The following CFAP61 variants were observed in gnomAD, a reference collection of about 807,000 sequenced individuals.
The protein encoded by CFAP61 is cilia and flagella associated protein 61.
Under a neutral mutation model 135.6 loss-of-function variants are expected in CFAP61, and 107 were observed. The ratio of observed to expected loss-of-function variants is 0.79; its 90% CI spans 0.67 to 0.93. CFAP61 has a LOEUF of 0.93. Among genes scored for constraint, CFAP61 ranks in the 40% least tolerant of loss-of-function variants. The pLI is 0.00. For synonymous variants in CFAP61, 575 were observed against 578.5 expected, an observed-to-expected ratio of 0.99 and a Z score of 0.09; for missense variants, 1,507 against 1,556.2, an observed-to-expected ratio of 0.97 and a Z score of 0.53.
At chr20:20,340,471 G>A (rs901680602) in intron 25 of CFAP61, among the ~76,000 whole-genome samples, 5 of 152,212 alleles carry the variant, frequency 3.3e-5, no homozygotes, top group Admixed American at 6.5e-5. Context: ...GCCAGAGCTC[G>A]TGACAGACCA....
chr20:20,090,826 A>G lies in CFAP61; in HGVS notation c.567-18A>G. ...AATGAGTGAACGAACACTGAACTTC[A>G]GCCTTTCTATTAAACAGGGTGGAAG... On this transcript the variant is annotated intron_variant, in intron 6 of 26. Coordinates refer to ENST00000245957, the MANE Select transcript of CFAP61 (RefSeq NM_015585.4). The G allele has an allele frequency of 1.2e-6, 2 of 1,613,500 alleles. No individual in the cohort carries two copies. Among genetic ancestry groups the G allele is most frequent in the Non-Finnish European group, 1.7e-6 (2 of 1,179,580 alleles).
chr20:20,350,632 AAAAC>A (rs2058801593), intron 26 of CFAP61, among the ~76,000 whole-genome samples: 1 of 152,178 alleles, frequency 6.6e-6, no homozygotes. Flanking sequence ...CCATCTCAAA[AAAAC>A]AAAACAAACA....
chr20:20,064,441 T>G (rs1253866131), intron 2 of CFAP61, among the ~76,000 whole-genome samples: 3 of 152,170 alleles, frequency 2.0e-5, no homozygotes, highest in Non-Finnish European at 4.4e-5. Context: ...TCTTGCACTT[T>G]GAACCAAAGC....
At chr20:20,264,188 T>C (rs2052506100) in intron 21 of CFAP61, among the ~76,000 whole-genome samples, 1 of 152,318 alleles carries the variant, frequency 6.6e-6, no homozygotes, top group South Asian at 2.1e-4. Flanking sequence ...ATTTATAGGC[T>C]ATTTGCCTCT....
At chr20:20,158,237 A>G (rs6046671) in intron 9 of CFAP61, among the ~76,000 whole-genome samples, 2,281 of 151,856 alleles carry the variant, frequency 0.015, 37 homozygotes, top group Middle Eastern at 0.058. Flanking sequence ...AACTTAAAGT[A>G]TATTAAAAAA....
intron 26 of CFAP61, among the ~76,000 whole-genome samples, chr20:20,356,143 G>GGTGGTCACACTGAGGGGAA (rs2059145200): frequency 1.5e-5 from 2 of 132,358 alleles, no homozygotes; most frequent in Non-Finnish European, 3.3e-5. Context: ...ACTGAGAGGA[G>GGTGGTCACACTGAGGGGAA]GTGGTCACAC....
intron 13 of CFAP61, among the ~76,000 whole-genome samples, chr20:20,181,835 C>T (rs185139842): frequency 6.6e-6 from 1 of 152,194 alleles, no homozygotes; most frequent in African/African-American, 2.4e-5. Context: ...CTGGGAAGAT[C>T]AGGCAAGGTG....
intron 26 of CFAP61, among the ~76,000 whole-genome samples, chr20:20,349,445 G>A (rs946621663): frequency 2.6e-5 from 4 of 152,102 alleles, no homozygotes; most frequent in Non-Finnish European, 5.9e-5. Context: ...AACTCAGAGT[G>A]AGAACTCACT....
At chr20:20,284,199 G>A (rs1296163085) in intron 22 of CFAP61, among the ~76,000 whole-genome samples, 1 of 151,940 alleles carries the variant, frequency 6.6e-6, no homozygotes, top group Non-Finnish European at 1.5e-5. Context: ...CCCCTTGCCT[G>A]CTTTCTTTAG....
chr20:20,354,753 A>G (rs2058981611), intron 26 of CFAP61, among the ~76,000 whole-genome samples: 1 of 148,916 alleles, frequency 6.7e-6, no homozygotes, highest in Non-Finnish European at 1.5e-5. Context: ...AAGTAATCAT[A>G]CTGTGAAAGG....
chr20:20,295,500 C>T (rs2055355270), intron 24 of CFAP61, among the ~76,000 whole-genome samples: 1 of 152,104 alleles, frequency 6.6e-6, no homozygotes, highest in African/African-American at 2.4e-5. Context: ...AGTTTTCCAG[C>T]TTTTTCACCA....
intron 25 of CFAP61, among the ~76,000 whole-genome samples, chr20:20,327,518 G>A (rs2057796405): frequency 6.6e-6 from 1 of 152,022 alleles, no homozygotes; most frequent in Admixed American, 6.6e-5. Context: ...TATGTAATAT[G>A]TTTCCAAAAT....
chr20:20,183,306 C>T (rs1214391301), intron 13 of CFAP61, among the ~76,000 whole-genome samples: 1 of 152,030 alleles, frequency 6.6e-6, no homozygotes, highest in Non-Finnish European at 1.5e-5. Context: ...GGATTACAGG[C>T]ATGAGCCACC....
At chr20:20,196,805 A>C in intron 16 of CFAP61, 29 bp downstream of exon 16, 1 of 1,584,520 alleles carries the variant, frequency 6.3e-7, no homozygotes, top group Non-Finnish European at 8.7e-7. Flanking sequence ...TCACTTTCCC[A>C]GCAGGTCAAC....
At chr20:20,133,119 T>C (rs533471421) in intron 8 of CFAP61, among the ~76,000 whole-genome samples, 52 of 152,360 alleles carry the variant, frequency 3.4e-4, no homozygotes, top group African/African-American at 1.2e-3. Flanking sequence ...GTTAATTTAA[T>C]TGGCATTTTC....
chr20:20,357,364 T>G (rs1205387256), intron 26 of CFAP61, among the ~76,000 whole-genome samples: 4 of 15,160 alleles, frequency 2.6e-4, no homozygotes, highest in Admixed American at 4.5e-4. Context: ...TGAGGGGAGG[T>G]GGTCATAGTG....
chr20:20,162,010 T>C (rs2053444953), intron 10 of CFAP61, among the ~76,000 whole-genome samples: 1 of 152,206 alleles, frequency 6.6e-6, no homozygotes, highest in African/African-American at 2.4e-5. Context: ...CAAAATGGGT[T>C]TGAGTGTGCT....
chr20:20,343,819 A>G (rs1042690695), intron 26 of CFAP61, among the ~76,000 whole-genome samples: 1 of 152,214 alleles, frequency 6.6e-6, no homozygotes, highest in Non-Finnish European at 1.5e-5. Context: ...AAGGGAAGCC[A>G]TGGAAACTGT....
At chr20:20,102,925 T>C (rs974295778) in intron 8 of CFAP61, among the ~76,000 whole-genome samples, 1 of 152,196 alleles carries the variant, frequency 6.6e-6, no homozygotes, top group African/African-American at 2.4e-5. Flanking sequence ...CTCCTTTTTC[T>C]AGCTCCTAAT....
Sources: gnomAD v4.1 joint callset for allele counts (sites outside exome capture counted in the v4.1 genomes callset) on GRCh38, gnomAD v4.1.1 for gene constraint, MANE v1.5 for transcripts, NCBI Gene and HGNC (gene_info 2026-07-23, HGNC 2026-07-21) for gene names.